The following CEP43 variants were observed in gnomAD, a reference collection of about 807,000 sequenced individuals.
The protein encoded by CEP43 is FGFR1 oncogene partner.
In CEP43, 36 loss-of-function variants were observed where a neutral mutation model predicts 52.6. The observed-to-expected ratio is 0.68, with a 90% CI of 0.52 to 0.90. The LOEUF (loss-of-function observed/expected upper bound fraction) is 0.90. Ranked by LOEUF, CEP43 falls within the 40% of genes least tolerant of loss-of-function variation. CEP43 has a pLI of 0.00. For synonymous variants in CEP43, 192 were observed against 172.4 expected, an observed-to-expected ratio of 1.11 and a Z score of -0.89; for missense variants, 506 against 472.8, an observed-to-expected ratio of 1.07 and a Z score of -0.65.
rs1276345897 is a variant in CEP43 at position 167,048,961 on chromosome 6, C to T, written c.*8983C>T. Reference sequence around the variant, plus strand: ...AAGGGATTGTAAAGACTGATGAAACCCTTAAAACCTCTCAAGAATTAAAAA... The same window carrying T: ...AAGGGATTGTAAAGACTGATGAAACTCTTAAAACCTCTCAAGAATTAAAAA... On this transcript the variant is annotated 3_prime_UTR_variant, in exon 13 of 13. Transcript: ENST00000366847. 1.3e-5 allele frequency: 2 copies of T among 152,092 alleles called. No homozygotes were observed. Among genetic ancestry groups the T allele is most frequent in the African/African-American group, 2.4e-5 (1 of 41,400 alleles). 9.4% of individuals were successfully genotyped at this position (152,092 alleles called of 1,614,324 possible). A position where few individuals can be genotyped will look rare whatever the true frequency, so the allele number is the denominator to read the frequency against.
chr6:167,035,109 G>A (rs1260366979), intron 12 of CEP43, among the ~76,000 whole-genome samples: 2 of 152,190 alleles, frequency 1.3e-5, no homozygotes, highest in East Asian at 1.9e-4. Flanking sequence ...CTTGGATGGC[G>A]TCCAGGAGTC....
In CEP43 at chr6:167,040,946, G is replaced by A. The variant is rs10484531; in HGVS notation, c.*968G>A. On this transcript the variant is annotated 3_prime_UTR_variant, in exon 13 of 13. Transcript: ENST00000366847. ...AGAATTTCCACAGTCTCATTTATAC[G>A]GTTAAAGCATTATTGCTATTATGTA... 435,969 of 1,018,042 alleles carry A rather than the reference G, an allele frequency of 0.43. 96,408 individuals carry two copies. Among genetic ancestry groups the A allele is most frequent in the Non-Finnish European group, 0.45 (384,048 of 846,806 alleles). The allele number at this position is 1,018,042 out of a possible 1,614,324, so 63.1% of individuals were successfully genotyped here.
At chr6:167,031,011 A>C (rs1333336240) in intron 10 of CEP43, among the ~76,000 whole-genome samples, 3 of 152,030 alleles carry the variant, frequency 2.0e-5, no homozygotes, top group Non-Finnish European at 4.4e-5. Flanking sequence ...TCATTGTTTT[A>C]TGGTTGTATG....
At position 167,035,599 on chromosome 6, in the gene CEP43, C is replaced by T. The variant is rs192999338; in HGVS notation, c.1125+1628C>T. Among the ~76,000 whole-genome samples, 676 of 150,612 alleles carry T rather than the reference C, an allele frequency of 4.5e-3. 6 individuals carry two copies. The highest frequency in any genetic ancestry group is 0.015 in the African/African-American group (620 of 40,908). On this transcript the variant is annotated intron_variant, in intron 12 of 12. Transcript: ENST00000366847. ...TTTTTTTTTTTTAGACAGAGTCTTG[C>T]TCTGTTGCCCAGGCTGGAGTGCAGT... is the stretch of plus-strand genomic sequence containing the variant.
Position 167,032,003 on chromosome 6 carries a change from C to T in CEP43, c.989-600C>T, listed in dbSNP as rs16899809. 4.7e-3 allele frequency among the ~76,000 whole-genome samples: 716 copies of T among 152,330 alleles called. 28 individuals are homozygous for T. In the East Asian group the frequency reaches 0.091, roughly 19 times the overall value. On this transcript the variant is annotated intron_variant, in intron 10 of 12. Transcript: ENST00000366847. ...TGTGGACCAAGGTCTCTGTTAAGCA[C>T]ATCATGTACCTGAATCCTTATGTTA...
chr6:167,022,030 G>C (rs929719263), intron 7 of CEP43, among the ~76,000 whole-genome samples: 2 of 152,140 alleles, frequency 1.3e-5, no homozygotes, highest in South Asian at 4.1e-4. Context: ...AACTTATGAA[G>C]CAATGACATA....
In CEP43 at chr6:167,040,804, G is replaced by T. The variant is rs2128669328; in HGVS notation, c.*826G>T. 1 of 1,019,254 alleles carries T rather than the reference G, an allele frequency of 9.8e-7. No individual in the cohort carries two copies. The highest frequency in any genetic ancestry group is 4.6e-5 in the South Asian group (1 of 21,568). 63.1% of individuals were successfully genotyped at this position (1,019,254 alleles called of 1,614,324 possible). On this transcript the variant is annotated 3_prime_UTR_variant, in exon 13 of 13. Transcript: ENST00000366847. Reference sequence around the variant, plus strand: ...TTTATTTCAGATCTGTAAGTTAATTGTATTAAAATCCAAATTGGAATGAAA... The same window carrying T: ...TTTATTTCAGATCTGTAAGTTAATTTTATTAAAATCCAAATTGGAATGAAA...
Position 167,013,501 on chromosome 6 carries a change from T to C in CEP43, c.520-7T>C. On this transcript the variant is annotated splice_polypyrimidine_tract_variant and splice_region_variant and intron_variant, in intron 6 of 12. Transcript: ENST00000366847. Reference sequence around the variant, plus strand: ...GTGGTAAAATCTCATTTTATTCTCATGCTCAGATACCAAGGTATAAAGGAC... The same window carrying C: ...GTGGTAAAATCTCATTTTATTCTCACGCTCAGATACCAAGGTATAAAGGAC... The C allele has an allele frequency of 6.2e-7, 1 of 1,610,248 alleles. No individual in the cohort carries two copies. Among genetic ancestry groups the C allele is most frequent in the Non-Finnish European group, 8.5e-7 (1 of 1,177,126 alleles).
At chr6:167,024,674 C>A in intron 8 of CEP43, 108 bp from the exon 9 acceptor site, 1 of 763,590 alleles carries the variant, frequency 1.3e-6, no homozygotes, top group Non-Finnish European at 2.2e-6. Flanking sequence ...GATTTCCAGC[C>A]ACCACACGTA....
Position 167,040,188 on chromosome 6 carries a change from T to C in CEP43, c.*210T>C, listed in dbSNP as rs1780666438. Reference sequence around the variant, plus strand: ...CCATGTGTGGAAGATTTAATATTCTTAATTTAACTGTACATTTCTTTATGG... The same window carrying C: ...CCATGTGTGGAAGATTTAATATTCTCAATTTAACTGTACATTTCTTTATGG... On this transcript the variant is annotated 3_prime_UTR_variant, in exon 13 of 13. Coordinates refer to ENST00000366847, the MANE Select transcript of CEP43 (RefSeq NM_007045.4). 6.5e-7 allele frequency: 1 copy of C among 1,530,056 alleles called. No homozygotes were observed. Among genetic ancestry groups the C allele is most frequent in the African/African-American group, 1.4e-5 (1 of 72,668 alleles). The allele number at this position is 1,530,056 out of a possible 1,614,324, so 94.8% of individuals were successfully genotyped here.
At position 167,032,634 on chromosome 6, in the gene CEP43, T is replaced by A. The variant is rs754191594; in HGVS notation, c.1020T>A (p.Asp340Glu). ...GTGEDDDYVD[D>E]FNSTSHRSEK... ...GAGAAGATGATGACTATGTTGATGATTTTAATAGGTAAGAAAAACTATTGG... is the reference window on the plus strand; with the variant it reads ...GAGAAGATGATGACTATGTTGATGAATTTAATAGGTAAGAAAAACTATTGG... The change falls in exon 11 of 13, where the codon GAT (aspartate) becomes GAA (glutamate). Residue 340 changes from aspartate (D) to glutamate (E), a missense_variant. Physicochemically the swap from Asp to Glu is conservative, Grantham distance 45 (BLOSUM62 2). Coordinates refer to ENST00000366847, the MANE Select transcript of CEP43 (RefSeq NM_007045.4). 2.3e-5 allele frequency: 36 copies of A among 1,577,986 alleles called. No homozygotes were observed. Among genetic ancestry groups the A allele is most frequent in the Non-Finnish European group, 2.9e-5 (34 of 1,157,706 alleles).
intron 7 of CEP43, 36 bp downstream of exon 7, chr6:167,013,603 G>C (rs757658713): frequency 6.3e-7 from 1 of 1,584,892 alleles, no homozygotes; most frequent in Non-Finnish European, 8.7e-7. Context: ...AAAGCAGCCT[G>C]TGGGCATCAG....
In CEP43 at chr6:167,045,246, G is replaced by A. The variant is rs1780774566; in HGVS notation, c.*5268G>A. On this transcript the variant is annotated 3_prime_UTR_variant, in exon 13 of 13. Coordinates refer to ENST00000366847, the MANE Select transcript of CEP43 (RefSeq NM_007045.4). ...CTCCTGAGTAGCTGGGATTACAGAT[G>A]TGTTTCACCATGCCCGGCGAATTTT... 1 of 151,878 alleles carries A rather than the reference G, an allele frequency of 6.6e-6. No homozygotes were observed. Among genetic ancestry groups the A allele is most frequent in the Non-Finnish European group, 1.5e-5 (1 of 68,178 alleles). 9.4% of individuals were successfully genotyped at this position (151,878 alleles called of 1,614,324 possible).
intron 10 of CEP43, chr6:167,027,830 A>G: frequency 1.0e-6 from 1 of 981,008 alleles, no homozygotes. Context: ...AGTAAATGTT[A>G]GTTTTCTTTT....
chr6:167,052,578 G>A lies in CEP43; in HGVS notation c.*12600G>A, dbSNP rs763973202. ...TGGCGGCAGAACTTCTCGATTTTGC[G>A]GATTTCAAAATGGCTCCACGTACTC... On this transcript the variant is annotated 3_prime_UTR_variant, in exon 13 of 13. Coordinates refer to ENST00000366847, the MANE Select transcript of CEP43 (RefSeq NM_007045.4). 6 of 152,116 alleles carry A rather than the reference G, an allele frequency of 3.9e-5. No homozygotes were observed. Among genetic ancestry groups the A allele is most frequent in the Middle Eastern group, 3.2e-3 (1 of 316 alleles). 9.4% of individuals were successfully genotyped at this position (152,116 alleles called of 1,614,324 possible).
chr6:167,040,246 G>A lies in CEP43; in HGVS notation c.*268G>A. ...TTATCTACACTCAGTTTCATTACAG[G>A]GAAGGAACCCATGAAAACATCAGTG... On this transcript the variant is annotated 3_prime_UTR_variant, in exon 13 of 13. Coordinates refer to ENST00000366847, the MANE Select transcript of CEP43 (RefSeq NM_007045.4). The A allele has an allele frequency of 6.6e-7, 1 of 1,509,220 alleles. No individual in the cohort carries two copies. Among genetic ancestry groups the A allele is most frequent in the African/African-American group, 1.4e-5 (1 of 71,566 alleles). 93.5% of individuals were successfully genotyped at this position (1,509,220 alleles called of 1,614,324 possible).
At chr6:167,002,666 T>G (rs1779764694) in intron 2 of CEP43, among the ~76,000 whole-genome samples, 1 of 152,252 alleles carries the variant, frequency 6.6e-6, no homozygotes, top group African/African-American at 2.4e-5. Flanking sequence ...TACTGTAGCC[T>G]CTTCTCAGCA....
Position 167,045,965 on chromosome 6 carries a change from G to C in CEP43, c.*5987G>C, listed in dbSNP as rs891783923. The C allele has an allele frequency of 6.6e-6, 1 of 152,146 alleles. No individual in the cohort carries two copies. Among genetic ancestry groups the C allele is most frequent in the Non-Finnish European group, 1.5e-5 (1 of 68,166 alleles). 9.4% of individuals were successfully genotyped at this position (152,146 alleles called of 1,614,324 possible). A position where few individuals can be genotyped will look rare whatever the true frequency, so the allele number is the denominator to read the frequency against. On this transcript the variant is annotated 3_prime_UTR_variant, in exon 13 of 13. Transcript: ENST00000366847. The stretch of plus-strand genomic sequence containing the variant: ...CCTCTCCTGCCCCAGCACCCCTACT[G>C]CCCCAGTGCCAGGCCTTTTCTAGCA...
At chr6:167,039,098 G>C (rs151219216) in intron 12 of CEP43, among the ~76,000 whole-genome samples, 1 of 151,996 alleles carries the variant, frequency 6.6e-6, no homozygotes, top group African/African-American at 2.4e-5. Context: ...ATGGTCTCCA[G>C]TTCCATCCAG....
Sources: allele counts gnomAD v4.1 joint callset (sites outside exome capture counted in the v4.1 genomes callset), GRCh38; gene constraint gnomAD v4.1.1; transcripts MANE v1.5; gene names NCBI Gene and HGNC (gene_info 2026-07-23, HGNC 2026-07-21).